The following NCAPG variants were observed in gnomAD, a reference collection of about 807,000 sequenced individuals.
NCAPG encodes condensin complex subunit 3.
In NCAPG, 69 loss-of-function variants were observed where a neutral mutation model predicts 113.1. The observed-to-expected ratio is 0.61, with a 90% confidence interval of 0.50 to 0.75. The LOEUF is 0.75. Among genes scored for constraint, NCAPG ranks in the 30% least tolerant of loss-of-function variants. NCAPG has a pLI of 0.00. For synonymous variants in NCAPG, 370 were observed against 415.8 expected, an observed-to-expected ratio of 0.89 and a Z score of 1.34; for missense variants, 1,058 against 1,177.0, an observed-to-expected ratio of 0.90 and a Z score of 1.48.
At chr4:17,830,319 G>A (rs1437500979) in intron 12 of NCAPG, among the ~76,000 whole-genome samples, 4 of 151,958 alleles carry the variant, frequency 2.6e-5, no homozygotes. Flanking sequence ...CTTAAGCTTA[G>A]GAGGCTGAGG....
intron 9 of NCAPG, 58 bp downstream of exon 9, chr4:17,823,828 T>A (rs765443401): frequency 7.2e-7 from 1 of 1,391,870 alleles, no homozygotes; most frequent in Non-Finnish European, 1.0e-6. Context: ...TTGAATACTG[T>A]CTTATTTTCT....
In NCAPG at chr4:17,842,304, T is replaced by C; in HGVS notation, c.2855-6T>C. 1 of 1,611,178 alleles carries C rather than the reference T, an allele frequency of 6.2e-7. No homozygotes were observed. The highest frequency in any genetic ancestry group is 1.3e-5 in the African/African-American group (1 of 74,918). On this transcript the variant is annotated splice_polypyrimidine_tract_variant and splice_region_variant and intron_variant, in intron 19 of 20. Transcript: ENST00000251496. ...AATCCTGATAATGAATTATACTATC[T>C]TCAAGGACAGAGAAAAGTGACAGTT...
chr4:17,821,201 T>C (rs776578000), intron 7 of NCAPG, among the ~76,000 whole-genome samples: 14 of 152,082 alleles, frequency 9.2e-5, no homozygotes, highest in Admixed American at 1.3e-4. Flanking sequence ...AAGATGAGTA[T>C]AAATGAAGGT....
intron 8 of NCAPG, 67 bp from the exon 9 acceptor site, chr4:17,823,580 A>G: frequency 7.3e-7 from 1 of 1,372,384 alleles, no homozygotes; most frequent in Non-Finnish European, 1.0e-6. Context: ...TTTGCAGAGT[A>G]GGTGAATGTT....
intron 11 of NCAPG, among the ~76,000 whole-genome samples, chr4:17,827,454 A>G (rs753818981): frequency 9.9e-5 from 15 of 152,176 alleles, no homozygotes; most frequent in Non-Finnish European, 2.2e-4. Flanking sequence ...GAACAAGATA[A>G]TGACAGTGGA....
intron 16 of NCAPG, 60 bp from the exon 17 acceptor site, chr4:17,839,616 A>C: frequency 8.5e-7 from 1 of 1,178,222 alleles, no homozygotes; most frequent in Non-Finnish European, 1.1e-6. Context: ...TAGATGTGTA[A>C]GACTATATAA....
At position 17,813,397 on chromosome 4, in the gene NCAPG, T is replaced by C. The variant is rs190982538; in HGVS notation, c.544+252T>C. On this transcript the variant is annotated intron_variant, in intron 3 of 20. Coordinates refer to ENST00000251496, the MANE Select transcript of NCAPG (RefSeq NM_022346.5). The stretch of plus-strand genomic sequence containing the variant: ...CCTCAGTTTGGGGTTAATTAGTCTC[T>C]TGCTTAAATTAAAAAAAATTTTTTT... 65 of 272,806 alleles carry C rather than the reference T, an allele frequency of 2.4e-4. 1 individual carries two copies. In the East Asian group the frequency reaches 3.0e-3, roughly 13 times the overall value. 16.9% of individuals were successfully genotyped at this position (272,806 alleles called of 1,614,324 possible).
intron 8 of NCAPG, 119 bp from the exon 9 acceptor site, chr4:17,823,528 G>A (rs1225003359): frequency 3.5e-6 from 3 of 852,240 alleles, no homozygotes; most frequent in Non-Finnish European, 5.4e-6. Context: ...ACCTATTATA[G>A]TGATAAACCT....
At chr4:17,840,327 T>G (rs942028387) in intron 18 of NCAPG, 118 bp downstream of exon 18, 13 of 1,064,188 alleles carry the variant, frequency 1.2e-5, no homozygotes, top group Non-Finnish European at 1.7e-5. Context: ...GAATGAAATT[T>G]TTTTTCTAAT....
In NCAPG at chr4:17,840,190, T is replaced by C. The variant is rs777619257; in HGVS notation, c.2748T>C (p.Thr916=). Residue 916 remains threonine (T), a synonymous_variant, in exon 18 of 21, where the codon ACT becomes ACC. Transcript: ENST00000251496. ...EAAQDATLTT[T]TFQNEDEKNK... ...CACAGGATGCCACCTTGACTACAAC[T>C]ACTTTCCAAAATGAAGATGGTAATC... 2 of 1,598,944 alleles carry C rather than the reference T, an allele frequency of 1.3e-6. No homozygotes were observed. Among genetic ancestry groups the C allele is most frequent in the Non-Finnish European group, 1.7e-6 (2 of 1,174,972 alleles).
At position 17,814,966 on chromosome 4, in the gene NCAPG, G is replaced by T; in HGVS notation, c.658G>T (p.Val220Leu). The T allele has an allele frequency of 6.2e-7, 1 of 1,614,206 alleles. No homozygotes were observed. Among genetic ancestry groups the T allele is most frequent in the Non-Finnish European group, 8.5e-7 (1 of 1,180,034 alleles). The change falls in exon 4 of 21, where the codon GTG becomes TTG. Residue 220 changes from valine to leucine, a missense_variant. By Grantham distance (32) the Val-to-Leu change is conservative. Transcript: ENST00000251496. ...AAAAATTGTAGGGCGCACCAAGGAT[G>T]TGAAAGAGGCTGTCAGAAAGCTGGC... is the stretch of plus-strand genomic sequence containing the variant. ...LPKIVGRTKD[V>L]KEAVRKLAYQ...
chr4:17,834,220 A>G (rs963035297), intron 13 of NCAPG, 79 bp from the exon 14 acceptor site: 1 of 904,920 alleles, frequency 1.1e-6, no homozygotes, highest in Non-Finnish European at 1.6e-6. Flanking sequence ...AAAAAACAAG[A>G]TACATATTAA....
Position 17,834,520 on chromosome 4 carries a change from T to G in NCAPG, c.2106T>G (p.Ser702Arg), listed in dbSNP as rs1349350349. The change falls in exon 14 of 21, where the codon AGT becomes AGG. Residue 702 changes from serine (S) to arginine (R), a missense_variant. Physicochemically the swap from Ser to Arg is moderately radical, Grantham distance 110. Coordinates refer to ENST00000251496, the MANE Select transcript of NCAPG (RefSeq NM_022346.5). ...VLKLLSDFLD[S>R]EVSELRTGAA... is the part of the protein sequence containing the mutation. ...AACTCCTTTCTGATTTCTTAGATAG[T>G]GAGGTAAGAAATAATCCAGTCCTGT... 1.3e-6 allele frequency: 2 copies of G among 1,571,494 alleles called. No homozygotes were observed. The highest frequency in any genetic ancestry group is 1.7e-6 in the Non-Finnish European group (2 of 1,155,508).
Position 17,817,468 on chromosome 4 carries a change from C to G in NCAPG, c.968+15C>G. 6.2e-7 allele frequency: 1 copy of G among 1,602,590 alleles called. No individual in the cohort carries two copies. The highest frequency in any genetic ancestry group is 8.5e-7 in the Non-Finnish European group (1 of 1,171,154). ...AATGATGGCAGGTACATAAAGGATT[C>G]ATTCTTTGAAATGTAGTACTGATTA... is the stretch of plus-strand genomic sequence containing the variant. On this transcript the variant is annotated intron_variant, in intron 6 of 20. Transcript: ENST00000251496.
chr4:17,834,265 T>C (rs1475545898), intron 13 of NCAPG, 34 bp from the exon 14 acceptor site: 1 of 1,388,576 alleles, frequency 7.2e-7, no homozygotes. Flanking sequence ...GTTTACTGAA[T>C]TTACTTTTTT....
At chr4:17,842,145 C>T in intron 19 of NCAPG, 165 bp from the exon 20 acceptor site, 1 of 554,068 alleles carries the variant, frequency 1.8e-6, no homozygotes, top group Non-Finnish European at 3.3e-6. Context: ...GTTCCTTTTT[C>T]TGTGGCAGTG....
At chr4:17,836,652 C>G (rs1722109126) in intron 14 of NCAPG, among the ~76,000 whole-genome samples, 1 of 152,088 alleles carries the variant, frequency 6.6e-6, no homozygotes, top group African/African-American at 2.4e-5. Flanking sequence ...TGTGTACATC[C>G]AGTTGTCTTT....
intron 12 of NCAPG, among the ~76,000 whole-genome samples, 194 bp downstream of exon 12, chr4:17,828,582 A>C (rs977751605): frequency 6.6e-6 from 1 of 152,152 alleles, no homozygotes; most frequent in Admixed American, 6.5e-5. Flanking sequence ...AGGACCTGAT[A>C]TGTAAATTAC....
chr4:17,824,246 G>C (rs1721568132), intron 9 of NCAPG, among the ~76,000 whole-genome samples: 1 of 152,046 alleles, frequency 6.6e-6, no homozygotes, highest in South Asian at 2.1e-4. Context: ...GTTCTGTATT[G>C]CTTGATAAAT....
Sources: allele counts gnomAD v4.1 joint callset (sites outside exome capture counted in the v4.1 genomes callset), GRCh38; gene constraint gnomAD v4.1.1; transcripts MANE v1.5; gene names NCBI Gene and HGNC (gene_info 2026-07-23, HGNC 2026-07-21).